Variants in NREP observed in about 807,000 individuals in gnomAD.
NREP encodes the protein neuronal regeneration-related protein.
A neutral mutation model predicts 8.6 loss-of-function variants in NREP; 5 were observed. The ratio of observed to expected loss-of-function variants is 0.58; its 90% CI spans 0.30 to 1.22. NREP has a LOEUF of 1.22. Ranked by LOEUF, NREP falls within the 50% of genes most tolerant of loss-of-function variation. The pLI, the probability that NREP is intolerant of heterozygous loss-of-function variation, is 0.07. For missense variants in NREP, 86 were observed against 82.5 expected (o/e 1.04, Z -0.17); for synonymous variants, 27 against 28.0 (o/e 0.96, Z 0.11).
intron 2 of NREP, among the ~76,000 whole-genome samples, chr5:111,852,170 G>T (rs1208950743): frequency 6.6e-6 from 1 of 152,140 alleles, no homozygotes; most frequent in Non-Finnish European, 1.5e-5. Context: ...TCACCTTAGG[G>T]GATTCAGCTG....
At chr5:111,941,004 A>C (rs1054819965) in intron 2 of NREP, among the ~76,000 whole-genome samples, 1 of 152,080 alleles carries the variant, frequency 6.6e-6, no homozygotes, top group Non-Finnish European at 1.5e-5. Flanking sequence ...ATGTTTTATA[A>C]AACACATTTC....
At chr5:111,811,975 C>G (rs1337727440) in intron 2 of NREP, among the ~76,000 whole-genome samples, 1 of 152,032 alleles carries the variant, frequency 6.6e-6, no homozygotes, top group East Asian at 1.9e-4. Context: ...AATTTGGTCC[C>G]TGAAAATTTG....
rs114417481 is a variant in NREP, at chr5:111,963,425, A to C, written c.135+11849T>G. Reference sequence around the variant, plus strand: ...AGACCAAAATATAATTCCACCAAGAAAGCACAAAAAATATGTTTTTTAACT... The same window carrying C: ...AGACCAAAATATAATTCCACCAAGACAGCACAAAAAATATGTTTTTTAACT... On this transcript the variant is annotated intron_variant, in intron 2 of 3. Transcript: ENST00000395634. 5.3e-3 allele frequency among the ~76,000 whole-genome samples: 810 copies of C among 152,364 alleles called. 1 individual carries two copies. The highest frequency in any genetic ancestry group is 8.0e-3 in the Non-Finnish European group (546 of 68,038).
intron 2 of NREP, among the ~76,000 whole-genome samples, chr5:111,789,499 A>C (rs776802204): frequency 7.2e-5 from 11 of 152,146 alleles, no homozygotes; most frequent in Non-Finnish European, 1.6e-4. Flanking sequence ...TCTTTGACAA[A>C]TTCCTAGCTT....
chr5:111,959,500 A>G (rs1756423939), intron 2 of NREP, among the ~76,000 whole-genome samples: 1 of 152,068 alleles, frequency 6.6e-6, no homozygotes, highest in African/African-American at 2.4e-5. Context: ...AAACATGATT[A>G]AAAGGCAAAC....
upstream of NREP, chr5:111,757,703 G>C: frequency 6.1e-6 from 6 of 984,546 alleles, no homozygotes; most frequent in Non-Finnish European, 7.2e-6. Context: ...GAGACAAAGC[G>C]GACCCGCAGC....
chr5:111,753,767 C>A (rs1415758732), intron 2 of NREP, among the ~76,000 whole-genome samples: 1 of 152,032 alleles, frequency 6.6e-6, no homozygotes, highest in African/African-American at 2.4e-5. Context: ...AGTCTTCACT[C>A]TAAGTAAGCC....
intron 2 of NREP, among the ~76,000 whole-genome samples, chr5:111,780,900 TA>T (rs1362374051): frequency 1.3e-5 from 2 of 150,826 alleles, no homozygotes; most frequent in African/African-American, 2.4e-5. Context: ...ACATTTTTTT[TA>T]ACGTTTATTT....
At chr5:111,943,093 ATTTTCAGC>A (rs1755878002) in intron 2 of NREP, among the ~76,000 whole-genome samples, 1 of 151,028 alleles carries the variant, frequency 6.6e-6, no homozygotes, top group South Asian at 2.1e-4. Flanking sequence ...CCTTTTTTCC[ATTTTCAGC>A]TTTCTAGGCA....
intron 2 of NREP, among the ~76,000 whole-genome samples, chr5:111,741,752 G>C (rs139239949): frequency 2.0e-5 from 3 of 152,018 alleles, no homozygotes; most frequent in Non-Finnish European, 2.9e-5. Context: ...AAAAGTGCTG[G>C]GGCTTAGGTT....
At chr5:111,969,277 C>T (rs182359228) in intron 2 of NREP, among the ~76,000 whole-genome samples, 1 of 152,222 alleles carries the variant, frequency 6.6e-6, no homozygotes, top group East Asian at 1.9e-4. Flanking sequence ...AAGGGAGAAA[C>T]AGGAAATAAA....
intron 2 of NREP, among the ~76,000 whole-genome samples, chr5:111,775,215 A>C (rs1227430261): frequency 1.3e-5 from 2 of 152,164 alleles, no homozygotes; most frequent in Non-Finnish European, 2.9e-5. Context: ...TTCAAGTATC[A>C]CAGAGATATT....
chr5:111,960,937 A>C (rs1554056743), intron 2 of NREP, among the ~76,000 whole-genome samples: 1 of 152,244 alleles, frequency 6.6e-6, no homozygotes, highest in Non-Finnish European at 1.5e-5. Context: ...GAGCCAAAAT[A>C]ACTTCCAACA....
chr5:111,933,719 C>G (rs1458459582), intron 2 of NREP, among the ~76,000 whole-genome samples: 1 of 152,080 alleles, frequency 6.6e-6, no homozygotes, highest in African/African-American at 2.4e-5. Context: ...AGAAGGGTAT[C>G]ACTGAGTCCC....
chr5:111,756,320 C>CCCG, intron 1 of NREP: 32 of 30,644 alleles, frequency 1.0e-3, no homozygotes, highest in South Asian at 2.5e-3. Context: ...AAACCCTACA[C>CCCG]GGCGGGGGGG....
chr5:111,944,334 G>A lies in NREP; in HGVS notation c.135+30940C>T, dbSNP rs370456849. ...CCATTTTTTTCTTTTTTGAGACAAG[G>A]TCTTGCTCTGTCACCCAAGTTAGAG... On this transcript the variant is annotated intron_variant, in intron 2 of 3. Transcript: ENST00000395634. Among the ~76,000 whole-genome samples, 262 of 151,826 alleles carry A rather than the reference G, an allele frequency of 1.7e-3. 2 individuals are homozygous for A. Among genetic ancestry groups the A allele is most frequent in the African/African-American group, 5.7e-3 (235 of 41,420 alleles).
At chr5:111,881,215 C>T (rs1754056795) in intron 2 of NREP, among the ~76,000 whole-genome samples, 1 of 152,194 alleles carries the variant, frequency 6.6e-6, no homozygotes, top group African/African-American at 2.4e-5. Flanking sequence ...CACGGAGTCT[C>T]CCTGATTGCT....
chr5:111,789,342 T>C (rs1218970761), intron 2 of NREP, among the ~76,000 whole-genome samples: 2 of 152,228 alleles, frequency 1.3e-5, no homozygotes, highest in Non-Finnish European at 2.9e-5. Context: ...ACTACCACAT[T>C]TAATGATGCA....
chr5:111,846,403 C>T lies in NREP; in HGVS notation c.136-110896G>A, dbSNP rs527469735. ...TTGGTTAGTCACTTCCCTTTGCTCC[C>T]TTTACCTTTTTGTTTGCTTTTTTTT... On this transcript the variant is annotated intron_variant, in intron 2 of 3. Transcript: ENST00000395634. 12 of 99,248 alleles carry T rather than the reference C, an allele frequency of 1.2e-4. No homozygotes were observed. In the South Asian group the frequency reaches 1.8e-3, roughly 15 times the overall value. The allele number at this position is 99,248 out of a possible 1,614,324, so 6.1% of individuals were successfully genotyped here. A position where few individuals can be genotyped will look rare whatever the true frequency, so the allele number is the denominator to read the frequency against.
Sources: gnomAD v4.1 joint callset for allele counts (sites outside exome capture counted in the v4.1 genomes callset) on GRCh38, gnomAD v4.1.1 for gene constraint, MANE v1.5 for transcripts, NCBI Gene and HGNC (gene_info 2026-07-23, HGNC 2026-07-21) for gene names.